The following DHX9 variants were observed in gnomAD, a reference collection of about 807,000 sequenced individuals.
DHX9 encodes the protein ATP-dependent RNA helicase A.
A neutral mutation model predicts 148.7 loss-of-function variants in DHX9; 27 were observed. The ratio of observed to expected loss-of-function variants is 0.18; its 90% CI spans 0.13 to 0.25. The LOEUF is 0.25. Among genes scored for constraint, DHX9 ranks in the 10% least tolerant of loss-of-function variants. DHX9 has a pLI of 1.00. For synonymous variants in DHX9, 529 were observed against 516.6 expected, an observed-to-expected ratio of 1.02 and a Z score of -0.33; for missense variants, 796 against 1,559.6, an observed-to-expected ratio of 0.51 and a Z score of 8.25.
chr1:182,845,520 C>T (rs1259080015), intron 3 of DHX9, among the ~76,000 whole-genome samples: 1 of 151,886 alleles, frequency 6.6e-6, no homozygotes, highest in Non-Finnish European at 1.5e-5. Flanking sequence ...AGGTGGGGGA[C>T]TTTTTCCACA....
At chr1:182,883,709 AACTT>A (rs1211449234) in intron 26 of DHX9, 74 bp downstream of exon 26, 1 of 1,045,282 alleles carries the variant, frequency 9.6e-7, no homozygotes, top group South Asian at 1.4e-5. Flanking sequence ...CTGCTAATCT[AACTT>A]AATTATATAC....
In DHX9 at chr1:182,858,884, C is replaced by G; in HGVS notation, c.1052C>G (p.Pro351Arg). The G allele has an allele frequency of 5.0e-6, 8 of 1,614,004 alleles. No homozygotes were observed. The highest frequency in any genetic ancestry group is 6.8e-6 in the Non-Finnish European group (8 of 1,179,986). Residue 351 changes from proline (P) to arginine (R), a missense_variant, in exon 10 of 28, where the codon CCT becomes CGT. Physicochemically the swap from Pro to Arg is moderately radical, Grantham distance 103. Coordinates refer to ENST00000367549, the MANE Select transcript of DHX9 (RefSeq NM_001357.5). Reference sequence around the variant, plus strand: ...ACTAGTAGCAACATTGATGAGGGGCCTCTGGCTTTTGTGAGTGCAATATTG... The same window carrying G: ...ACTAGTAGCAACATTGATGAGGGGCGTCTGGCTTTTGTGAGTGCAATATTG... ...PWTSSNIDEG[P>R]LAFATPEQIS...
chr1:182,855,078 G>T (rs1306974447), intron 6 of DHX9, among the ~76,000 whole-genome samples: 2 of 152,188 alleles, frequency 1.3e-5, no homozygotes, highest in Non-Finnish European at 2.9e-5. Context: ...TTTTGTCACT[G>T]ATCAAAATGA....
At chr1:182,871,772 A>G (rs1198969102) in intron 14 of DHX9, among the ~76,000 whole-genome samples, 1 of 152,218 alleles carries the variant, frequency 6.6e-6, no homozygotes, top group African/African-American at 2.4e-5. Context: ...GACAACATAA[A>G]ATATGCATTC....
intron 27 of DHX9, among the ~76,000 whole-genome samples, chr1:182,885,186 C>G (rs1249175323): frequency 6.6e-6 from 1 of 152,128 alleles, no homozygotes; most frequent in East Asian, 1.9e-4. Context: ...TAAATTGTTT[C>G]TGTATCAAAT....
chr1:182,857,207 AG>A (rs1668269295), intron 7 of DHX9, among the ~76,000 whole-genome samples: 1 of 152,160 alleles, frequency 6.6e-6, no homozygotes, highest in African/African-American at 2.4e-5. Context: ...GATAATACTA[AG>A]GGAGAGAGGA....
intron 12 of DHX9, 77 bp from the exon 13 acceptor site, chr1:182,866,367 A>G (rs1319135567): frequency 6.7e-7 from 1 of 1,497,946 alleles, no homozygotes; most frequent in Admixed American, 1.9e-5. Context: ...GATTTACTAC[A>G]ATAATCCAAA....
intron 24 of DHX9, among the ~76,000 whole-genome samples, chr1:182,882,020 A>C (rs1252074753): frequency 6.6e-6 from 1 of 152,232 alleles, no homozygotes; most frequent in Non-Finnish European, 1.5e-5. Flanking sequence ...ACTAGGTTAA[A>C]ATATAGAATT....
Position 182,879,400 on chromosome 1 carries a change from C to A in DHX9, c.2502C>A (p.His834Gln). 1 of 1,515,998 alleles carries A rather than the reference C, an allele frequency of 6.6e-7. No homozygotes were observed. The highest frequency in any genetic ancestry group is 9.0e-7 in the Non-Finnish European group (1 of 1,113,916). 93.9% of individuals were successfully genotyped at this position (1,515,998 alleles called of 1,614,324 possible). Residue 834 changes from histidine (H) to glutamine (Q), a missense_variant, in exon 21 of 28, where the codon CAC becomes CAA. Physicochemically the swap from His to Gln is conservative, Grantham distance 24 (BLOSUM62 0). Coordinates refer to ENST00000367549, the MANE Select transcript of DHX9 (RefSeq NM_001357.5). Reference sequence around the variant, plus strand: ...TGGATGCTGTGATTGAAGCAGAACACACTCTTAGAGGTACTTACAAATACA... The same window carrying A: ...TGGATGCTGTGATTGAAGCAGAACAAACTCTTAGAGGTACTTACAAATACA... ...PPLDAVIEAE[H>Q]TLRELDALDA...
chr1:182,873,472 T>C (rs1648632388), intron 15 of DHX9, among the ~76,000 whole-genome samples: 1 of 152,194 alleles, frequency 6.6e-6, no homozygotes, highest in Non-Finnish European at 1.5e-5. Flanking sequence ...GCTGTACATG[T>C]GTACTGGAAA....
At chr1:182,868,607 C>T (rs1395064508) in intron 14 of DHX9, among the ~76,000 whole-genome samples, 14 of 147,978 alleles carry the variant, frequency 9.5e-5, no homozygotes, top group Non-Finnish European at 1.3e-4. Flanking sequence ...TTCTGCCTCC[C>T]GGGTTTAAGC....
chr1:182,849,242 T>C (rs1668087961), intron 3 of DHX9, among the ~76,000 whole-genome samples: 1 of 152,224 alleles, frequency 6.6e-6, no homozygotes, highest in South Asian at 2.1e-4. Flanking sequence ...TGTAGATGTG[T>C]ATAAAAGAAT....
At chr1:182,858,957 T>C in intron 10 of DHX9, 63 bp downstream of exon 10, 2 of 1,609,302 alleles carry the variant, frequency 1.2e-6, no homozygotes, top group Non-Finnish European at 1.7e-6. Flanking sequence ...TATATTTGAT[T>C]AGTATGTCTA....
chr1:182,872,269 T>C, intron 14 of DHX9, 68 bp from the exon 15 acceptor site: 2 of 1,347,568 alleles, frequency 1.5e-6, no homozygotes, highest in Non-Finnish European at 2.1e-6. Flanking sequence ...GCTGTATAAC[T>C]CTTTTAGGCA....
At chr1:182,855,175 G>A (rs187688740) in intron 6 of DHX9, among the ~76,000 whole-genome samples, 22 of 152,188 alleles carry the variant, frequency 1.4e-4, no homozygotes, top group Non-Finnish European at 2.6e-4. Context: ...TTTTAAAACC[G>A]TCAGGTTGCA....
At chr1:182,875,952 T>G (rs1648745276) in intron 16 of DHX9, 98 bp from the exon 17 acceptor site, 1 of 897,992 alleles carries the variant, frequency 1.1e-6, no homozygotes, top group Admixed American at 2.4e-5. Context: ...GAATAAATAA[T>G]GACATTACAA....
rs370267779 is a variant in DHX9 at position 182,858,247 on chromosome 1, C to T, written c.810+7C>T. 1 of 1,611,646 alleles carries T rather than the reference C, an allele frequency of 6.2e-7. No individual in the cohort carries two copies. Among genetic ancestry groups the T allele is most frequent in the Non-Finnish European group, 8.5e-7 (1 of 1,179,280 alleles). On this transcript the variant is annotated splice_region_variant and intron_variant, in intron 8 of 27. Coordinates refer to ENST00000367549, the MANE Select transcript of DHX9 (RefSeq NM_001357.5). ...GAAGAAGGAAGGAGAGACAGTGAGT[C>T]TTTAGATTTAATAGACTTGTGAGAT...
intron 1 of DHX9, among the ~76,000 whole-genome samples, chr1:182,841,731 G>A (rs1314148442): frequency 1.5e-4 from 23 of 152,172 alleles, no homozygotes; most frequent in Non-Finnish European, 2.9e-5. Context: ...ATTTTCTCTG[G>A]TTATAAATGT....
intron 11 of DHX9, among the ~76,000 whole-genome samples, chr1:182,859,779 AT>A (rs1668323676): frequency 6.6e-6 from 1 of 152,002 alleles, no homozygotes; most frequent in South Asian, 2.1e-4. Context: ...CACCTGGCTA[AT>A]TTTTGTATTT....
Sources: gnomAD v4.1 joint callset for allele counts (sites outside exome capture counted in the v4.1 genomes callset) on GRCh38, gnomAD v4.1.1 for gene constraint, MANE v1.5 for transcripts, NCBI Gene and HGNC (gene_info 2026-07-23, HGNC 2026-07-21) for gene names.